Variants in EDA observed in about 807,000 individuals in gnomAD.
EDA encodes the protein ectodysplasin A, also known as ectodysplasin-A.
Under a neutral mutation model 23.6 loss-of-function variants are expected in EDA, and 2 were observed. The ratio of observed to expected loss-of-function variants is 0.08; its 90% CI spans 0.03 to 0.27. EDA has a LOEUF of 0.27. Ranked by LOEUF, EDA falls within the 10% of genes least tolerant of loss-of-function variation. EDA has a pLI of 1.00. For missense variants in EDA, 229 were observed against 324.2 expected, an observed-to-expected ratio of 0.71 and a Z score of 2.26; for synonymous variants, 131 against 132.0, an observed-to-expected ratio of 0.99 and a Z score of 0.05.
chrX:69,703,757 C>A (rs1011555278), intron 1 of EDA, among the ~76,000 whole-genome samples: 1 of 111,838 alleles, frequency 8.9e-6, no homozygotes, highest in Non-Finnish European at 1.9e-5. Flanking sequence ...AGTGGTCTTG[C>A]GTCTTGGGAC....
At chrX:69,773,598 T>G (rs1047308299) in intron 1 of EDA, among the ~76,000 whole-genome samples, 4 of 111,897 alleles carry the variant, frequency 3.6e-5, no homozygotes, top group Non-Finnish European at 5.6e-5. Context: ...TGTTGTTGTT[T>G]TTTTTTAATA....
At chrX:69,936,214 T>C (rs968069806) in intron 1 of EDA, among the ~76,000 whole-genome samples, 1 of 109,643 alleles carries the variant, frequency 9.1e-6, no homozygotes, top group African/African-American at 3.3e-5. Flanking sequence ...GCATCATAAG[T>C]ATGGCTACGA....
intron 2 of EDA, among the ~76,000 whole-genome samples, chrX:69,981,704 T>C (rs766913907): frequency 8.9e-6 from 1 of 112,434 alleles, no homozygotes; most frequent in Non-Finnish European, 1.9e-5. Flanking sequence ...CCTCACTTTA[T>C]GTGCTTTACA....
chrX:69,832,550 G>T (rs915254725), intron 1 of EDA, among the ~76,000 whole-genome samples: 1 of 111,801 alleles, frequency 8.9e-6, no homozygotes, highest in African/African-American at 3.3e-5. Flanking sequence ...GAAATTTAAA[G>T]TAGTTTTTTT....
Position 69,847,624 on chromosome X carries a change from T to G in EDA, c.397-109403T>G, listed in dbSNP as rs772334309. Among the ~76,000 whole-genome samples, 28 of 112,290 alleles carry G rather than the reference T, an allele frequency of 2.5e-4. 1 individual carries two copies. The East Asian group carries it at 6.1e-3, about 25-fold the overall frequency. ...TTTGAGATTCATCTAACTTGCTGCA[T>G]GCATCAATAGCTCACTTGGTTTTTG... On this transcript the variant is annotated intron_variant, in intron 1 of 7. Coordinates refer to ENST00000374552, the MANE Select transcript of EDA (RefSeq NM_001399.5).
At chrX:69,796,683 C>T (rs1360901875) in intron 1 of EDA, among the ~76,000 whole-genome samples, 1 of 111,799 alleles carries the variant, frequency 8.9e-6, no homozygotes, top group Admixed American at 9.5e-5. Context: ...GGGATGATGA[C>T]ATCTCCAAAG....
intron 1 of EDA, among the ~76,000 whole-genome samples, chrX:69,856,648 T>A (rs1290571225): frequency 8.9e-6 from 1 of 111,745 alleles, no homozygotes; most frequent in Non-Finnish European, 1.9e-5. Flanking sequence ...GTTTGTTGGC[T>A]GTTTGTATAT....
At chrX:69,808,223 A>C (rs2015860667) in intron 1 of EDA, among the ~76,000 whole-genome samples, 1 of 110,903 alleles carries the variant, frequency 9.0e-6, no homozygotes, top group South Asian at 3.8e-4. Flanking sequence ...TATTGTATGT[A>C]TATTATAAAT....
chrX:69,717,811 G>T (rs534982002), intron 1 of EDA, among the ~76,000 whole-genome samples: 2 of 111,807 alleles, frequency 1.8e-5, no homozygotes, highest in South Asian at 7.5e-4. Context: ...GAGCCACCAT[G>T]CCTGGCCAAT....
At chrX:69,666,314 T>TAGTACTTTC (rs949851297) in intron 1 of EDA, among the ~76,000 whole-genome samples, 2 of 112,522 alleles carry the variant, frequency 1.8e-5, no homozygotes, top group African/African-American at 6.5e-5. Context: ...TTGTTCTGTC[T>TAGTACTTTC]AGTACTTTCA....
At chrX:69,828,096 T>A (rs896264562) in intron 1 of EDA, among the ~76,000 whole-genome samples, 10 of 110,917 alleles carry the variant, frequency 9.0e-5, no homozygotes, top group Admixed American at 2.9e-4. Context: ...ACCACTGCTC[T>A]CTTCAAAGCT....
At chrX:69,947,254 G>A (rs752071039) in intron 1 of EDA, among the ~76,000 whole-genome samples, 7 of 112,104 alleles carry the variant, frequency 6.2e-5, no homozygotes, top group Non-Finnish European at 1.3e-4. Context: ...ACTCTCATGG[G>A]GAGCAAAGAC....
chrX:69,663,438 C>G (rs944656170), intron 1 of EDA, among the ~76,000 whole-genome samples: 21 of 112,498 alleles, frequency 1.9e-4, no homozygotes, highest in Middle Eastern at 9.2e-3. Context: ...GGTATTGAGC[C>G]TGCGGATGCA....
intron 2 of EDA, among the ~76,000 whole-genome samples, chrX:69,965,724 A>G (rs1208318941): frequency 8.9e-6 from 1 of 112,326 alleles, no homozygotes; most frequent in African/African-American, 3.2e-5. Context: ...TGCATGTTCT[A>G]CCAGTTTAAA....
chrX:70,035,683 C>A lies in EDA; in HGVS notation c.*74C>A. On this transcript the variant is annotated 3_prime_UTR_variant, in exon 8 of 8. Transcript: ENST00000374552. ...CCAGGACTCCCAGAACCTCTAAGTG[C>A]TGCTGTGGAGTGAGGTGTATTGGTG... 4 of 1,141,917 alleles carry A rather than the reference C, an allele frequency of 3.5e-6. No homozygotes were observed. The Admixed American group carries it at 8.8e-5, about 25-fold the overall frequency. The allele number at this position is 1,141,917 out of a possible 1,213,427, so 94.1% of individuals were successfully genotyped here.
intron 1 of EDA, among the ~76,000 whole-genome samples, chrX:69,949,903 T>C (rs951110017): frequency 1.8e-5 from 2 of 110,610 alleles, no homozygotes; most frequent in African/African-American, 3.3e-5. Flanking sequence ...GAAACTGAAA[T>C]TGGATCCCTT....
chrX:69,679,782 C>T (rs2147280359), intron 1 of EDA, among the ~76,000 whole-genome samples: 1 of 110,850 alleles, frequency 9.0e-6, no homozygotes, highest in South Asian at 3.9e-4. Context: ...CTCCTGGATT[C>T]TTTAATTTTT....
At chrX:69,765,632 T>C (rs2014448074) in intron 1 of EDA, among the ~76,000 whole-genome samples, 1 of 111,964 alleles carries the variant, frequency 8.9e-6, no homozygotes, top group African/African-American at 3.2e-5. Flanking sequence ...TTTTCAGAAA[T>C]ACAGGAAGTT....
chrX:69,711,587 C>A (rs1197520196), intron 1 of EDA, among the ~76,000 whole-genome samples: 2 of 111,497 alleles, frequency 1.8e-5, no homozygotes, highest in Non-Finnish European at 1.9e-5. Context: ...CCTCCTTGTA[C>A]CTCTGGTAGA....
Sources: gnomAD v4.1 joint callset for allele counts (sites outside exome capture counted in the v4.1 genomes callset) on GRCh38, gnomAD v4.1.1 for gene constraint, MANE v1.5 for transcripts, NCBI Gene and HGNC (gene_info 2026-07-23, HGNC 2026-07-21) for gene names.